BMPR2: variants seen among roughly 807,000 people sequenced by gnomAD.
BMPR2 encodes the protein bone morphogenetic protein receptor type-2.
Under a neutral mutation model 100.8 loss-of-function variants are expected in BMPR2, and 29 were observed. The observed-to-expected ratio is 0.29, with a 90% confidence interval of 0.21 to 0.39. BMPR2 has a LOEUF of 0.39. BMPR2 is among the 10% of genes least tolerant of loss of function. The pLI is 1.00. For synonymous variants in BMPR2, 382 were observed against 442.3 expected, an observed-to-expected ratio of 0.86 and a Z score of 1.71; for missense variants, 1,011 against 1,274.5, an observed-to-expected ratio of 0.79 and a Z score of 3.15.
At chr2:202,465,584 C>T (rs1692303449) in intron 2 of BMPR2, among the ~76,000 whole-genome samples, 1 of 151,730 alleles carries the variant, frequency 6.6e-6, no homozygotes, top group African/African-American at 2.4e-5. Flanking sequence ...ACTGGCCGGG[C>T]GTGGTGGCTC....
chr2:202,411,145 C>G (rs1691006747), intron 1 of BMPR2, among the ~76,000 whole-genome samples: 1 of 152,138 alleles, frequency 6.6e-6, no homozygotes, highest in Non-Finnish European at 1.5e-5. Context: ...CTCTAAGTAT[C>G]TGCCCTACAA....
chr2:202,462,563 A>G (rs185920979), intron 1 of BMPR2, among the ~76,000 whole-genome samples: 16 of 151,948 alleles, frequency 1.1e-4, no homozygotes, highest in Non-Finnish European at 1.3e-4. Context: ...GGGTGTTAAT[A>G]GAGCACGTTA....
At chr2:202,457,458 T>C (rs1692135618) in intron 1 of BMPR2, among the ~76,000 whole-genome samples, 1 of 149,738 alleles carries the variant, frequency 6.7e-6, no homozygotes, top group African/African-American at 2.5e-5. Flanking sequence ...TTTTTTAGAA[T>C]GAAAGAAGAA....
intron 9 of BMPR2, among the ~76,000 whole-genome samples, chr2:202,539,260 G>A (rs1232105154): frequency 6.6e-6 from 1 of 152,128 alleles, no homozygotes; most frequent in Non-Finnish European, 1.5e-5. Flanking sequence ...TTGAAAAGAG[G>A]AAACAGAACT....
At chr2:202,462,699 TTTG>T (rs766953765) in intron 1 of BMPR2, among the ~76,000 whole-genome samples, 42 of 151,832 alleles carry the variant, frequency 2.8e-4, no homozygotes, top group African/African-American at 5.1e-4. Flanking sequence ...GGTTTTGTTT[TTTG>T]TTGTTGTTGT....
At chr2:202,394,954 C>T (rs759349748) in intron 1 of BMPR2, among the ~76,000 whole-genome samples, 3 of 151,544 alleles carry the variant, frequency 2.0e-5, no homozygotes, top group East Asian at 1.9e-4. Context: ...GGCGCAATCT[C>T]GGCTCACTGC....
intron 1 of BMPR2, among the ~76,000 whole-genome samples, chr2:202,418,654 T>G (rs1321691575): frequency 2.0e-5 from 3 of 152,128 alleles, no homozygotes; most frequent in African/African-American, 7.2e-5. Context: ...ATTCAAAGAT[T>G]TTGTAGTTAA....
intron 10 of BMPR2, 98 bp from the exon 11 acceptor site, chr2:202,552,618 G>C: frequency 8.0e-7 from 1 of 1,245,024 alleles, no homozygotes; most frequent in Non-Finnish European, 1.2e-6. Context: ...TACTGGTTAA[G>C]GTAATTGATT....
At chr2:202,508,561 ACT>A (rs1357769483) in intron 3 of BMPR2, among the ~76,000 whole-genome samples, 2 of 152,238 alleles carry the variant, frequency 1.3e-5, no homozygotes, top group Non-Finnish European at 2.9e-5. Context: ...TTGATTGTTA[ACT>A]CTGGCAGAAT....
chr2:202,560,639 T>C lies in BMPR2; in HGVS notation c.*693T>C, dbSNP rs1168478686. On this transcript the variant is annotated 3_prime_UTR_variant, in exon 13 of 13. Transcript: ENST00000374580. Reference sequence around the variant, plus strand: ...TTTCTTACTTTCTCTCTCCTTATCATGGAGAATACAGAAACATTGTCTGAA... The same window carrying C: ...TTTCTTACTTTCTCTCTCCTTATCACGGAGAATACAGAAACATTGTCTGAA... The C allele has an allele frequency of 6.6e-6, 1 of 152,632 alleles. No individual in the cohort carries two copies. The highest frequency in any genetic ancestry group is 1.5e-5 in the Non-Finnish European group (1 of 68,074). The allele number at this position is 152,632 out of a possible 1,614,324, so 9.5% of individuals were successfully genotyped here. A position where few individuals can be genotyped will look rare whatever the true frequency, so the allele number is the denominator to read the frequency against.
At chr2:202,481,146 C>G (rs1308671934) in intron 3 of BMPR2, among the ~76,000 whole-genome samples, 1 of 149,440 alleles carries the variant, frequency 6.7e-6, no homozygotes, top group Admixed American at 6.7e-5. Context: ...CAACTTTGTT[C>G]TTCTTTTTCT....
intron 1 of BMPR2, among the ~76,000 whole-genome samples, chr2:202,413,245 C>T (rs1691049615): frequency 6.6e-6 from 1 of 152,010 alleles, no homozygotes; most frequent in South Asian, 2.1e-4. Flanking sequence ...TCAAAATGGC[C>T]CACAAATATA....
chr2:202,415,153 T>G (rs892751590), intron 1 of BMPR2, among the ~76,000 whole-genome samples: 1 of 152,116 alleles, frequency 6.6e-6, no homozygotes, highest in East Asian at 1.9e-4. Flanking sequence ...GTTGGAAGAA[T>G]ATACCATCTA....
At chr2:202,493,745 T>A (rs1377098602) in intron 3 of BMPR2, among the ~76,000 whole-genome samples, 1 of 152,208 alleles carries the variant, frequency 6.6e-6, no homozygotes, top group Non-Finnish European at 1.5e-5. Context: ...CATTTTTTCA[T>A]GTCTTTTCTA....
chr2:202,434,393 T>C (rs1272004415), intron 1 of BMPR2, among the ~76,000 whole-genome samples: 1 of 150,458 alleles, frequency 6.6e-6, no homozygotes, highest in Admixed American at 6.6e-5. Context: ...GTTGGTTTTC[T>C]GGAGGGCCAA....
intron 1 of BMPR2, among the ~76,000 whole-genome samples, chr2:202,378,126 G>C (rs532006715): frequency 6.6e-6 from 1 of 152,192 alleles, no homozygotes; most frequent in Non-Finnish European, 1.5e-5. Flanking sequence ...TATACGGTTT[G>C]ATAACTTTAC....
intron 3 of BMPR2, among the ~76,000 whole-genome samples, chr2:202,484,492 G>C (rs1692731208): frequency 6.6e-6 from 1 of 151,554 alleles, no homozygotes; most frequent in Non-Finnish European, 1.5e-5. Context: ...GGCTAACACA[G>C]TGAAACGCTG....
chr2:202,513,443 T>G (rs575416784), intron 3 of BMPR2, among the ~76,000 whole-genome samples: 6 of 152,342 alleles, frequency 3.9e-5, no homozygotes, highest in African/African-American at 1.4e-4. Flanking sequence ...CTATCCTGTC[T>G]AATCTGTTTC....
chr2:202,498,554 G>A (rs1693093580), intron 3 of BMPR2, among the ~76,000 whole-genome samples: 1 of 152,126 alleles, frequency 6.6e-6, no homozygotes, highest in African/African-American at 2.4e-5. Context: ...CGATCAGCAG[G>A]GTCCAGGGAC....
Sources: allele counts gnomAD v4.1 joint callset (sites outside exome capture counted in the v4.1 genomes callset), GRCh38; gene constraint gnomAD v4.1.1; transcripts MANE v1.5; gene names NCBI Gene and HGNC (gene_info 2026-07-23, HGNC 2026-07-21).